Variants in BCLAF1 observed in about 807,000 individuals in gnomAD.
The protein encoded by BCLAF1 is bcl-2-associated transcription factor 1.
In BCLAF1, 10 loss-of-function variants were observed where a neutral mutation model predicts 99.5. The observed-to-expected ratio is 0.10, with a 90% CI of 0.06 to 0.17. BCLAF1 has a LOEUF of 0.17. Among genes scored for constraint, BCLAF1 ranks in the 10% least tolerant of loss-of-function variants. The pLI is 1.00. For synonymous variants in BCLAF1, 255 were observed against 370.9 expected (o/e 0.69, Z 3.59); for missense variants, 636 against 1,105.8 (o/e 0.58, Z 6.02).
At chr6:136,286,363 G>A (rs1458074930) in intron 1 of BCLAF1, among the ~76,000 whole-genome samples, 4 of 152,182 alleles carry the variant, frequency 2.6e-5, no homozygotes, top group African/African-American at 9.7e-5. Context: ...GCCCAACACT[G>A]AACAAGTTAC....
At position 136,284,130 on chromosome 6, in the gene BCLAF1, GTATATA is replaced by G. The variant is rs60218804; in HGVS notation, c.-114-1449_-114-1444del. Among the ~76,000 whole-genome samples the G allele has an allele frequency of 5.7e-3, 694 of 122,064 alleles. 2 individuals carry two copies. The highest frequency in any genetic ancestry group is 0.011 in the East Asian group (51 of 4,494). 80.1% of individuals were successfully genotyped at this position (122,064 alleles called of 152,430 possible). A position where few individuals can be genotyped will look rare whatever the true frequency, so the allele number is the denominator to read the frequency against. ...TATACATATATATGTGTGTGTGTGTGTATATATATATATATATATATATATATATCC... is the reference window on the plus strand; with the variant it reads ...TATACATATATATGTGTGTGTGTGTGTATATATATATATATATATATATCC... On this transcript the variant is annotated intron_variant, in intron 1 of 12. Transcript: ENST00000531224.
intron 1 of BCLAF1, among the ~76,000 whole-genome samples, chr6:136,284,130 G>GTGTGTGTATATATATATATATATATATA (rs36141174): frequency 8.2e-6 from 1 of 122,120 alleles, no homozygotes; most frequent in Admixed American, 7.9e-5. Flanking sequence ...GTGTGTGTGT[G>GTGTGTGTATATATATATATATATATATA]TATATATATA....
chr6:136,270,659 A>C (rs1782385061), intron 8 of BCLAF1, among the ~76,000 whole-genome samples: 1 of 151,896 alleles, frequency 6.6e-6, no homozygotes, highest in South Asian at 2.1e-4. Flanking sequence ...AAATGAAACT[A>C]CTTTGTAAAT....
At chr6:136,284,904 G>A (rs185200256) in intron 1 of BCLAF1, among the ~76,000 whole-genome samples, 1,650 of 152,150 alleles carry the variant, frequency 0.011, 13 homozygotes, top group Middle Eastern at 0.017. Context: ...TGGATCCTTG[G>A]GCCCTCTTTA....
At position 136,259,820 on chromosome 6, in the gene BCLAF1, T is replaced by A. The variant is rs972414286; in HGVS notation, c.*1290A>T. ...CACACAACTAAATTAACAAATGAAA[T>A]GTGTCTACTTTTATATATGCCCATA... On this transcript the variant is annotated 3_prime_UTR_variant, in exon 13 of 13. Coordinates refer to ENST00000531224, the MANE Select transcript of BCLAF1 (RefSeq NM_014739.3). 3 of 152,056 alleles carry A rather than the reference T, an allele frequency of 2.0e-5. No homozygotes were observed. Among genetic ancestry groups the A allele is most frequent in the Admixed American group, 2.0e-4 (3 of 15,260 alleles). The allele number at this position is 152,056 out of a possible 1,614,324, so 9.4% of individuals were successfully genotyped here.
At position 136,262,227 on chromosome 6, in the gene BCLAF1, T is replaced by C. The variant is rs372946762; in HGVS notation, c.2545-750A>G. ...AAAAGTACTTGACTTTGTAGATGAG[T>C]AGAGATGGGTATTATATTCATACAA... On this transcript the variant is annotated intron_variant, in intron 11 of 12. Coordinates refer to ENST00000531224, the MANE Select transcript of BCLAF1 (RefSeq NM_014739.3). 1.2e-4 allele frequency among the ~76,000 whole-genome samples: 18 copies of C among 152,074 alleles called. 1 individual carries two copies. The East Asian group carries it at 2.3e-3, about 20-fold the overall frequency.
At chr6:136,268,663 G>A (rs1174291876) in intron 9 of BCLAF1, 2 of 227,438 alleles carry the variant, frequency 8.8e-6, no homozygotes, top group Non-Finnish European at 1.8e-5. Flanking sequence ...AGAAGAGTAG[G>A]AAAAAGTAAG....
rs1039006946 is a variant in BCLAF1 at position 136,257,810 on chromosome 6, C to T, written c.*3300G>A. On this transcript the variant is annotated 3_prime_UTR_variant, in exon 13 of 13. Transcript: ENST00000531224. Reference sequence around the variant, plus strand: ...AACTTCTCTTTCTGGATGTGAAAGTCTATTATTCCACAAGGAAACTTAAGG... The same window carrying T: ...AACTTCTCTTTCTGGATGTGAAAGTTTATTATTCCACAAGGAAACTTAAGG... The T allele has an allele frequency of 6.6e-6, 1 of 152,008 alleles. No individual in the cohort carries two copies. The highest frequency in any genetic ancestry group is 2.4e-5 in the African/African-American group (1 of 41,406). The allele number at this position is 152,008 out of a possible 1,614,324, so 9.4% of individuals were successfully genotyped here. A position where few individuals can be genotyped will look rare whatever the true frequency, so the allele number is the denominator to read the frequency against.
At chr6:136,289,471 A>T (rs1320315384) in intron 1 of BCLAF1, among the ~76,000 whole-genome samples, 1 of 152,102 alleles carries the variant, frequency 6.6e-6, no homozygotes, top group Non-Finnish European at 1.5e-5. Context: ...GTCTCCAGGC[A>T]GGTTCGCAAA....
chr6:136,279,616 G>T, intron 3 of BCLAF1, 147 bp downstream of exon 3: 1 of 849,652 alleles, frequency 1.2e-6, no homozygotes, highest in East Asian at 3.7e-5. Flanking sequence ...TCATTTTCTC[G>T]CTTACAATAA....
At chr6:136,275,377 G>A (rs1177610949) in intron 6 of BCLAF1, among the ~76,000 whole-genome samples, 155 bp downstream of exon 6, 1 of 151,842 alleles carries the variant, frequency 6.6e-6, no homozygotes, top group Non-Finnish European at 1.5e-5. Flanking sequence ...GCAAGACTAG[G>A]GACTCTCTTC....
chr6:136,272,094 A>C lies in BCLAF1; in HGVS notation c.1959-15T>G, dbSNP rs201539567. The stretch of plus-strand genomic sequence containing the variant: ...TGTCAATTCTCCTTAATGTAAAATA[A>C]AATATATTTTTAGTCATATTATTAA... On this transcript the variant is annotated splice_polypyrimidine_tract_variant and intron_variant, in intron 7 of 12. Coordinates refer to ENST00000531224, the MANE Select transcript of BCLAF1 (RefSeq NM_014739.3). 196 of 1,531,420 alleles carry C rather than the reference A, an allele frequency of 1.3e-4. 2 individuals carry two copies. In the East Asian group the frequency reaches 4.5e-3, roughly 35 times the overall value. 94.9% of individuals were successfully genotyped at this position (1,531,420 alleles called of 1,614,324 possible).
rs1375474481 is a variant in BCLAF1, at chr6:136,257,162, C to T, written c.*3948G>A. 1.3e-5 allele frequency: 2 copies of T among 152,172 alleles called. No homozygotes were observed. Among genetic ancestry groups the T allele is most frequent in the Non-Finnish European group, 2.9e-5 (2 of 68,036 alleles). The allele number at this position is 152,172 out of a possible 1,614,324, so 9.4% of individuals were successfully genotyped here. Reference sequence around the variant, plus strand: ...ATTTTCAAGAATATTACCTTCTGCACTTCATAAGTGCTACAAATCAGTTCA... The same window carrying T: ...ATTTTCAAGAATATTACCTTCTGCATTTCATAAGTGCTACAAATCAGTTCA... On this transcript the variant is annotated 3_prime_UTR_variant, in exon 13 of 13. Transcript: ENST00000531224.
At chr6:136,280,524 G>A (rs1784237377) in intron 2 of BCLAF1, among the ~76,000 whole-genome samples, 1 of 152,082 alleles carries the variant, frequency 6.6e-6, no homozygotes, top group Non-Finnish European at 1.5e-5. Context: ...TCACCCTGAA[G>A]CTTTCTGTTA....
Position 136,267,114 on chromosome 6 carries a change from T to G in BCLAF1, c.2459A>C (p.Asn820Thr), listed in dbSNP as rs1390150479. 15 of 1,613,278 alleles carry G rather than the reference T, an allele frequency of 9.3e-6. No individual in the cohort carries two copies. Among genetic ancestry groups the G allele is most frequent in the Non-Finnish European group, 1.2e-5 (14 of 1,179,414 alleles). Reference protein sequence around the residue: ...GVFAGTNTGPNNSNTTFQKRP... With the variant: ...GVFAGTNTGPTNSNTTFQKRP... Reference sequence around the variant, plus strand: ...CTTTTGAAAAGTAGTATTTGAGTTGTTTGGACCAGTATTTGTCCCAGCAAA... The same window carrying G: ...CTTTTGAAAAGTAGTATTTGAGTTGGTTGGACCAGTATTTGTCCCAGCAAA... Residue 820 changes from asparagine (N) to threonine (T), a missense_variant, in exon 11 of 13, where the codon AAC (asparagine) becomes ACC (threonine). Asn to Thr is a moderately conservative substitution (Grantham distance 65). Transcript: ENST00000531224.
chr6:136,279,259 C>T (rs1475379671), intron 3 of BCLAF1, among the ~76,000 whole-genome samples: 1 of 152,046 alleles, frequency 6.6e-6, no homozygotes, highest in Non-Finnish European at 1.5e-5. Flanking sequence ...ACTATTAATT[C>T]TTAATGGTAT....
chr6:136,281,575 C>A (rs898284207), intron 2 of BCLAF1, among the ~76,000 whole-genome samples: 1 of 152,196 alleles, frequency 6.6e-6, no homozygotes, highest in Non-Finnish European at 1.5e-5. Context: ...CTGAGATAAT[C>A]AGACACACTA....
At chr6:136,266,903 T>A in intron 11 of BCLAF1, 126 bp downstream of exon 11, 4 of 1,239,292 alleles carry the variant, frequency 3.2e-6, no homozygotes, top group Non-Finnish European at 4.4e-6. Context: ...GGTAATTATT[T>A]TAAAAAAGGT....
chr6:136,272,086 G>GA lies in BCLAF1; in HGVS notation c.1959-8_1959-7insT, dbSNP rs1771686185. 6.4e-7 allele frequency: 1 copy of GA among 1,559,250 alleles called. No individual in the cohort carries two copies. ...TGGTGAGATGTCAATTCTCCTTAAT[G>GA]TAAAATAAAATATATTTTTAGTCAT... On this transcript the variant is annotated splice_region_variant and splice_polypyrimidine_tract_variant and intron_variant, in intron 7 of 12. Transcript: ENST00000531224.
Sources: allele counts gnomAD v4.1 joint callset (sites outside exome capture counted in the v4.1 genomes callset), GRCh38; gene constraint gnomAD v4.1.1; transcripts MANE v1.5; gene names NCBI Gene and HGNC (gene_info 2026-07-23, HGNC 2026-07-21).